Variants in ABCG1 observed in about 807,000 individuals in gnomAD.
ABCG1 encodes ATP-binding cassette sub-family G member 1.
ABCG1 carries 29 observed loss-of-function variants against 69.2 expected under a neutral mutation model. That is an observed-to-expected ratio of 0.42 (90% CI 0.31 to 0.57). ABCG1 has a LOEUF of 0.57. ABCG1 is among the 20% of genes least tolerant of loss of function. The pLI, the probability that ABCG1 is intolerant of heterozygous loss-of-function variation, is 0.15. For synonymous variants in ABCG1, 370 were observed against 374.8 expected (o/e 0.99, Z 0.15); for missense variants, 718 against 898.1 (o/e 0.80, Z 2.56).
chr21:42,213,994 C>T (rs972584471), upstream of ABCG1, among the ~76,000 whole-genome samples: 6 of 152,176 alleles, frequency 3.9e-5, no homozygotes, highest in East Asian at 3.9e-4. Flanking sequence ...TATTTGGTGC[C>T]GGGAACAATT....
intron 2 of ABCG1, among the ~76,000 whole-genome samples, chr21:42,251,190 G>T (rs2068215431): frequency 6.6e-6 from 1 of 152,168 alleles, no homozygotes; most frequent in Non-Finnish European, 1.5e-5. Flanking sequence ...TCTCCTGATG[G>T]TAAAATGATG....
intron 2 of ABCG1, among the ~76,000 whole-genome samples, chr21:42,245,754 T>A (rs1227288399): frequency 6.6e-6 from 1 of 152,108 alleles, no homozygotes; most frequent in Non-Finnish European, 1.5e-5. Flanking sequence ...ATTCCTGAGA[T>A]CCATGCTTTC....
Position 42,291,797 on chromosome 21 carries a change from C to A in ABCG1, c.1653+141C>A. 2 of 1,058,930 alleles carry A rather than the reference C, an allele frequency of 1.9e-6. No individual in the cohort carries two copies. The highest frequency in any genetic ancestry group is 1.8e-5 in the South Asian group (1 of 56,280). 65.6% of individuals were successfully genotyped at this position (1,058,930 alleles called of 1,614,324 possible). The stretch of plus-strand genomic sequence containing the variant: ...GATGGGGTCGTTCCCACGGGAAGGG[C>A]CCGCATTGTCGAGGGTCAGGATCAG... On this transcript the variant is annotated intron_variant, in intron 13 of 14. Transcript: ENST00000398449. The surrounding 1 kb of genome is among the most constrained non-coding windows in gnomAD (Gnocchi z 6.4).
chr21:42,282,122 C>T, intron 5 of ABCG1, 152 bp from the exon 6 acceptor site: 1 of 1,016,578 alleles, frequency 9.8e-7, no homozygotes. Flanking sequence ...ACTGGGCAGC[C>T]TGGAGTGGGT....
intron 2 of ABCG1, chr21:42,201,830 G>A: frequency 6.3e-7 from 1 of 1,585,210 alleles, no homozygotes; most frequent in Non-Finnish European, 8.6e-7. Flanking sequence ...GATGATTCTT[G>A]GTGTGGGCTG....
upstream of ABCG1, among the ~76,000 whole-genome samples, chr21:42,218,386 C>T (rs2067666179): frequency 6.6e-6 from 1 of 150,762 alleles, no homozygotes; most frequent in Admixed American, 6.6e-5. Flanking sequence ...AGCCTGGGGC[C>T]ACATGGGAGT....
intron 2 of ABCG1, among the ~76,000 whole-genome samples, chr21:42,248,630 G>A (rs2068170707): frequency 6.6e-6 from 1 of 152,116 alleles, no homozygotes; most frequent in Non-Finnish European, 1.5e-5. Flanking sequence ...GCTCACGCCT[G>A]TAATCTCAGA....
At chr21:42,294,428 C>G in intron 13 of ABCG1, 114 bp from the exon 14 acceptor site, 1 of 797,776 alleles carries the variant, frequency 1.3e-6, no homozygotes. Flanking sequence ...CATCATTACC[C>G]TGCCCAGAAG....
chr21:42,263,579 T>G (rs903201923), intron 2 of ABCG1, among the ~76,000 whole-genome samples: 7 of 152,160 alleles, frequency 4.6e-5, no homozygotes, highest in African/African-American at 1.7e-4. Context: ...TACAGCAAAA[T>G]GTAATTACTC....
Position 42,288,403 on chromosome 21 carries a change from C to A in ABCG1, c.1224+91C>A. Reference sequence around the variant, plus strand: ...GACGGAATGTGTTCGTTCATTCTCACATTGCTATAAAGAAATTCATGAGGC... The same window carrying A: ...GACGGAATGTGTTCGTTCATTCTCAAATTGCTATAAAGAAATTCATGAGGC... On this transcript the variant is annotated intron_variant, in intron 10 of 14. Coordinates refer to ENST00000398449, the MANE Select transcript of ABCG1 (RefSeq NM_016818.3). This position sits in a 1 kb window ranked among gnomAD's most constrained non-coding sequence, Gnocchi z 4.8. The A allele has an allele frequency of 1.0e-6, 1 of 957,290 alleles. No homozygotes were observed. The highest frequency in any genetic ancestry group is 1.6e-6 in the Non-Finnish European group (1 of 622,928). 59.3% of individuals were successfully genotyped at this position (957,290 alleles called of 1,614,324 possible).
At chr21:42,283,448 A>T (rs1009822436) in intron 6 of ABCG1, among the ~76,000 whole-genome samples, 13 of 152,236 alleles carry the variant, frequency 8.5e-5, no homozygotes, top group African/African-American at 3.1e-4. Flanking sequence ...GGGGCTAGGA[A>T]AGGAGAAGAG....
At chr21:42,220,125 T>C in intron 1 of ABCG1, 2 of 1,344,424 alleles carry the variant, frequency 1.5e-6, no homozygotes, top group Non-Finnish European at 2.1e-6. Flanking sequence ...AAACCAATCA[T>C]CAGGCCCCCA....
At chr21:42,253,351 TG>T (rs1370591726) in intron 2 of ABCG1, among the ~76,000 whole-genome samples, 2 of 152,188 alleles carry the variant, frequency 1.3e-5, no homozygotes, top group Non-Finnish European at 2.9e-5. Context: ...CCAGCCATCA[TG>T]TGGTTTGGGG....
chr21:42,221,743 TG>T (rs2123504427), intron 1 of ABCG1, among the ~76,000 whole-genome samples: 1 of 152,342 alleles, frequency 6.6e-6, no homozygotes, highest in Non-Finnish European at 1.5e-5. Flanking sequence ...GACAGACAGC[TG>T]CGTGCTAACT....
In ABCG1 at chr21:42,297,023, AC is replaced by A. The variant is rs2069225156; in HGVS notation, c.*633del. Reference sequence around the variant, plus strand: ...TTTGTTTAGAGAGGCGAGGGGTTTAACCGAGTCACCCAGCTGGTCTCATACA... The same window carrying A: ...TTTGTTTAGAGAGGCGAGGGGTTTAACGAGTCACCCAGCTGGTCTCATACA... On this transcript the variant is annotated 3_prime_UTR_variant, in exon 15 of 15. Transcript: ENST00000398449. 6.4e-6 allele frequency: 1 copy of A among 155,792 alleles called. No individual in the cohort carries two copies. 9.7% of individuals were successfully genotyped at this position (155,792 alleles called of 1,614,324 possible).
At chr21:42,282,471 A>G (rs1259272729) in intron 6 of ABCG1, 52 bp downstream of exon 6, 1 of 1,560,720 alleles carries the variant, frequency 6.4e-7, no homozygotes, top group East Asian at 2.3e-5. Flanking sequence ...AACCCCCTGT[A>G]TTCAGCGGTT....
upstream of ABCG1, among the ~76,000 whole-genome samples, chr21:42,212,677 G>A (rs1031346528): frequency 6.6e-6 from 1 of 151,874 alleles, no homozygotes; most frequent in African/African-American, 2.4e-5. Flanking sequence ...GGTAAAATGT[G>A]AGAAGGGAAG....
At chr21:42,220,161 G>A (rs2067701097) in intron 1 of ABCG1, 16 of 898,320 alleles carry the variant, frequency 1.8e-5, no homozygotes, top group Non-Finnish European at 2.6e-5. Context: ...TTATCCTAGC[G>A]CCCTTCATGT....
At chr21:42,213,149 G>A (rs2067606068), upstream of ABCG1, among the ~76,000 whole-genome samples, 1 of 152,264 alleles carries the variant, frequency 6.6e-6, no homozygotes, top group South Asian at 2.1e-4. Flanking sequence ...GAAGCCAGGT[G>A]CTGTGCATGA....
Sources: allele counts gnomAD v4.1 joint callset (sites outside exome capture counted in the v4.1 genomes callset), GRCh38; gene constraint gnomAD v4.1.1; non-coding constraint Gnocchi (gnomAD v3.1); transcripts MANE v1.5; gene names NCBI Gene and HGNC (gene_info 2026-07-23, HGNC 2026-07-21).